HDLBP: variants seen among roughly 807,000 people sequenced by gnomAD.
HDLBP encodes high density lipoprotein binding protein.
A neutral mutation model predicts 137.3 loss-of-function variants in HDLBP; 30 were observed. The ratio of observed to expected loss-of-function variants is 0.22; its 90% CI spans 0.16 to 0.30. The LOEUF (loss-of-function observed/expected upper bound fraction) is 0.30, where lower values mean the gene tolerates loss of function less well. Among genes scored for constraint, HDLBP ranks in the 10% least tolerant of loss-of-function variants. The pLI, the probability that HDLBP is intolerant of heterozygous loss-of-function variation, is 1.00. For missense variants in HDLBP, 1,119 were observed against 1,667.3 expected (o/e 0.67, Z 5.73); for synonymous variants, 606 against 596.0 (o/e 1.02, Z -0.24).
rs72269646 is a variant in HDLBP at position 241,245,187 on chromosome 2, C to CT, written c.1950+1564dup. Reference sequence around the variant, plus strand: ...AAATGCAAACATCATAATCTTTTTTCTTTTTTTTTTTTTTGAGACAAGGTC... The same window carrying CT: ...AAATGCAAACATCATAATCTTTTTTCTTTTTTTTTTTTTTTGAGACAAGGTC... On this transcript the variant is annotated intron_variant, in intron 16 of 27. Transcript: ENST00000310931. Among the ~76,000 whole-genome samples, 932 of 143,194 alleles carry CT rather than the reference C, an allele frequency of 6.5e-3. 10 individuals are homozygous for CT. The highest frequency in any genetic ancestry group is 0.019 in the African/African-American group (762 of 39,174). The allele number at this position is 143,194 out of a possible 152,430, so 93.9% of individuals were successfully genotyped here. A position where few individuals can be genotyped will look rare whatever the true frequency, so the allele number is the denominator to read the frequency against.
intron 4 of HDLBP, among the ~76,000 whole-genome samples, chr2:241,263,781 T>G (rs1005074160): frequency 6.6e-6 from 1 of 152,132 alleles, no homozygotes; most frequent in Admixed American, 6.5e-5. Flanking sequence ...CTGGTTAACC[T>G]CTTCGAGAAA....
Position 241,238,826 on chromosome 2 carries a change from G to A in HDLBP, c.2611-39C>T. 1 of 1,479,732 alleles carries A rather than the reference G, an allele frequency of 6.8e-7. No individual in the cohort carries two copies. The highest frequency in any genetic ancestry group is 9.1e-7 in the Non-Finnish European group (1 of 1,103,830). The allele number at this position is 1,479,732 out of a possible 1,614,324, so 91.7% of individuals were successfully genotyped here. ...CACAAAGAAAAAAGAAAAGAGCAAAGATTAAATTCCTTAGGGCAAGTTTTA... is the reference window on the plus strand; with the variant it reads ...CACAAAGAAAAAAGAAAAGAGCAAAAATTAAATTCCTTAGGGCAAGTTTTA... On this transcript the variant is annotated intron_variant, in intron 19 of 27. Coordinates refer to ENST00000310931, the MANE Select transcript of HDLBP (RefSeq NM_005336.6). The surrounding 1 kb of genome is among the most constrained non-coding windows in gnomAD (Gnocchi z 4.9).
At position 241,235,548 on chromosome 2, in the gene HDLBP, T is replaced by C. The variant is rs2070303885; in HGVS notation, c.2951A>G (p.His984Arg). ...TCCTTTCTGCCCAATAACGTAACGG[T>C]GAAGGTCAAAGGGCACCTCTACTTC... ...TIEVEVPFDL[H>R]RYVIGQKGSG... Residue 984 changes from histidine (H) to arginine (R), a missense_variant, in exon 22 of 28, where the codon CAC becomes CGC. Around this residue, in one of 4 missense-constraint regions of HDLBP, gnomAD observed 618 missense variants for 816.7 expected, o/e 0.76. Transcript: ENST00000310931. 2 of 1,613,930 alleles carry C rather than the reference T, an allele frequency of 1.2e-6. No homozygotes were observed. The highest frequency in any genetic ancestry group is 1.7e-6 in the Non-Finnish European group (2 of 1,180,002).
At position 241,256,821 on chromosome 2, in the gene HDLBP, G is replaced by C; in HGVS notation, c.451-15C>G. On this transcript the variant is annotated splice_polypyrimidine_tract_variant and intron_variant, in intron 5 of 27. Coordinates refer to ENST00000310931, the MANE Select transcript of HDLBP (RefSeq NM_005336.6). ...GTTGCTGAGGCCTATAGCAAGAAGA[G>C]AATAAAAGAAAACAAGAATATTTGT... 6.2e-7 allele frequency: 1 copy of C among 1,604,096 alleles called. No individual in the cohort carries two copies. Among genetic ancestry groups the C allele is most frequent in the Non-Finnish European group, 8.5e-7 (1 of 1,171,214 alleles).
At chr2:241,247,894 T>G in intron 14 of HDLBP, 109 bp downstream of exon 14, 2 of 740,448 alleles carry the variant, frequency 2.7e-6, no homozygotes, top group Admixed American at 2.2e-5. Flanking sequence ...CCAGGGCCTA[T>G]GTGCTTTCCC....
chr2:241,293,863 A>T (rs1325784176), intron 1 of HDLBP, among the ~76,000 whole-genome samples: 1 of 148,952 alleles, frequency 6.7e-6, no homozygotes, highest in Non-Finnish European at 1.5e-5. Context: ...TTGAGCCTGC[A>T]GTGAGCCGTG....
chr2:241,273,577 C>A (rs2074274001), intron 1 of HDLBP: 1 of 984,482 alleles, frequency 1.0e-6, no homozygotes, highest in Admixed American at 6.1e-5. Flanking sequence ...GCCACTGTTT[C>A]TTTTAAGGGT....
At chr2:241,289,880 G>C (rs923279781) in intron 1 of HDLBP, among the ~76,000 whole-genome samples, 3 of 152,018 alleles carry the variant, frequency 2.0e-5, no homozygotes, top group Non-Finnish European at 2.9e-5. Context: ...TAGATAAAAA[G>C]GAAACTCCAG....
At chr2:241,279,571 C>T (rs2074522866) in intron 1 of HDLBP, among the ~76,000 whole-genome samples, 1 of 152,142 alleles carries the variant, frequency 6.6e-6, no homozygotes, top group African/African-American at 2.4e-5. Flanking sequence ...GCAGACACCA[C>T]AGACACTGAC....
intron 1 of HDLBP, among the ~76,000 whole-genome samples, chr2:241,290,544 AG>A (rs1168256560): frequency 6.6e-6 from 1 of 151,638 alleles, no homozygotes; most frequent in Non-Finnish European, 1.5e-5. Flanking sequence ...CAAGAGGCGG[AG>A]GTTGTGGTGA....
At chr2:241,312,352 G>A (rs964726503) in intron 1 of HDLBP, among the ~76,000 whole-genome samples, 4 of 152,128 alleles carry the variant, frequency 2.6e-5, no homozygotes, top group African/African-American at 9.7e-5. Context: ...GCCTACTAGG[G>A]ATTTCACTTC....
chr2:241,240,066 G>A lies in HDLBP; in HGVS notation c.2226C>T (p.Leu742=), dbSNP rs767770339. 1.9e-6 allele frequency: 3 copies of A among 1,614,096 alleles called. No individual in the cohort carries two copies. In the South Asian group the frequency reaches 3.3e-5, roughly 18 times the overall value. ...GAATTTTGCCGCCCCCCTTGCCGAT[G>A]AGGAATTTGTGGTATTCTGGCTTGG... is the stretch of plus-strand genomic sequence containing the variant. ...IRAKPEYHKF[L]IGKGGGKIRK... Residue 742 remains leucine, a synonymous_variant, in exon 18 of 28, where the codon CTC becomes CTT. Coordinates refer to ENST00000310931, the MANE Select transcript of HDLBP (RefSeq NM_005336.6). This position sits in a 1 kb window ranked among gnomAD's most constrained non-coding sequence, Gnocchi z 5.5.
intron 1 of HDLBP, among the ~76,000 whole-genome samples, chr2:241,298,618 A>G (rs2075275053): frequency 6.6e-6 from 1 of 152,222 alleles, no homozygotes; most frequent in Non-Finnish European, 1.5e-5. Flanking sequence ...TCCCTACTAT[A>G]TACTTAACAA....
At chr2:241,242,705 G>C (rs2071363375) in intron 16 of HDLBP, 27 bp from the exon 17 acceptor site, 2 of 1,590,248 alleles carry the variant, frequency 1.3e-6, no homozygotes, top group Non-Finnish European at 1.7e-6. Context: ...GGCAGGAGGA[G>C]GAAGTCACAT....
At chr2:241,246,722 G>T in intron 16 of HDLBP, 30 bp downstream of exon 16, 1 of 1,604,982 alleles carries the variant, frequency 6.2e-7, no homozygotes, top group South Asian at 1.1e-5. Flanking sequence ...TTTTACTGGA[G>T]GATCTCCATT....
At chr2:241,285,263 T>G (rs2074759280) in intron 1 of HDLBP, among the ~76,000 whole-genome samples, 1 of 152,256 alleles carries the variant, frequency 6.6e-6, no homozygotes, top group African/African-American at 2.4e-5. Flanking sequence ...AACGTAAAAC[T>G]CATGTGATGT....
rs550881567 is a variant in HDLBP at position 241,232,931 on chromosome 2, G to C, written c.3288+889C>G. ...GGTGCAGGAGGGCCCTCCTGGCCTG[G>C]CTGGTGTGTGTGTGACTCAAAGATC... On this transcript the variant is annotated intron_variant, in intron 24 of 27. Coordinates refer to ENST00000310931, the MANE Select transcript of HDLBP (RefSeq NM_005336.6). Among the ~76,000 whole-genome samples the C allele has an allele frequency of 5.3e-5, 8 of 152,194 alleles. No homozygotes were observed. The East Asian group carries it at 1.5e-3, about 29-fold the overall frequency.
intron 23 of HDLBP, among the ~76,000 whole-genome samples, 182 bp downstream of exon 23, chr2:241,234,939 G>A (rs1370753298): frequency 6.6e-6 from 1 of 152,224 alleles, no homozygotes; most frequent in Non-Finnish European, 1.5e-5. Context: ...AAGGTGCCAT[G>A]CTCTTGGCTA....
intron 5 of HDLBP, among the ~76,000 whole-genome samples, chr2:241,261,733 G>A (rs1330389614): frequency 6.6e-6 from 1 of 152,236 alleles, no homozygotes; most frequent in East Asian, 1.9e-4. Context: ...CATGAAGCCA[G>A]CTGGGGTTGG....
Sources: allele counts gnomAD v4.1 joint callset (sites outside exome capture counted in the v4.1 genomes callset), GRCh38; gene constraint gnomAD v4.1.1; regional missense constraint gnomAD v4.1.1; non-coding constraint Gnocchi (gnomAD v3.1); transcripts MANE v1.5; gene names NCBI Gene and HGNC (gene_info 2026-07-23, HGNC 2026-07-21).